The following MAGI1 variants were observed in gnomAD, a reference collection of about 807,000 sequenced individuals.
The protein encoded by MAGI1 is membrane associated guanylate kinase, WW and PDZ domain containing 1.
In MAGI1, 58 loss-of-function variants were observed where a neutral mutation model predicts 139.9. The ratio of observed to expected loss-of-function variants is 0.41; its 90% CI spans 0.34 to 0.52. The LOEUF (loss-of-function observed/expected upper bound fraction) is 0.52. Ranked by LOEUF, MAGI1 falls within the 20% of genes least tolerant of loss-of-function variation. The pLI, the probability that MAGI1 is intolerant of heterozygous loss-of-function variation, is 0.12. For synonymous variants in MAGI1, 812 were observed against 737.9 expected (o/e 1.10, Z -1.63); for missense variants, 1,874 against 1,901.6 (o/e 0.99, Z 0.27).
At chr3:65,642,352 T>C (rs754676130) in intron 1 of MAGI1, among the ~76,000 whole-genome samples, 1 of 152,214 alleles carries the variant, frequency 6.6e-6, no homozygotes, top group Non-Finnish European at 1.5e-5. Flanking sequence ...GAGACATTAT[T>C]CTGCCACTGG....
intron 2 of MAGI1, among the ~76,000 whole-genome samples, chr3:65,554,802 T>G (rs1230624939): frequency 6.6e-6 from 1 of 152,162 alleles, no homozygotes; most frequent in Admixed American, 6.5e-5. Flanking sequence ...GAACATTTCT[T>G]CAAAAGTGTC....
intron 1 of MAGI1, among the ~76,000 whole-genome samples, chr3:65,630,869 AAGAG>A (rs1260421656): frequency 1.3e-5 from 2 of 152,174 alleles, no homozygotes; most frequent in Non-Finnish European, 2.9e-5. Context: ...AATTTTTAAA[AAGAG>A]AGAGAGAGAA....
At chr3:65,526,494 A>G (rs1258947110) in intron 2 of MAGI1, among the ~76,000 whole-genome samples, 1 of 152,220 alleles carries the variant, frequency 6.6e-6, no homozygotes. Context: ...AAATTAGTTT[A>G]TATGTGCTAC....
chr3:65,527,575 A>C (rs7639560), intron 2 of MAGI1, among the ~76,000 whole-genome samples: 40,088 of 151,684 alleles, frequency 0.26, 5,707 homozygotes, highest in African/African-American at 0.34. Flanking sequence ...AATACAAAAC[A>C]TTAACTAGGT....
chr3:65,832,735 G>A (rs563754334), intron 1 of MAGI1, among the ~76,000 whole-genome samples: 9 of 152,194 alleles, frequency 5.9e-5, no homozygotes, highest in African/African-American at 2.2e-4. Flanking sequence ...GATATTTAAT[G>A]TTTACTGAAA....
chr3:65,413,588 T>C (rs946357461), intron 12 of MAGI1, among the ~76,000 whole-genome samples: 2 of 152,186 alleles, frequency 1.3e-5, no homozygotes, highest in Admixed American at 6.5e-5. Flanking sequence ...TTATGTGACT[T>C]AGAGGGAAAA....
intron 1 of MAGI1, among the ~76,000 whole-genome samples, chr3:65,977,040 A>G (rs2065299638): frequency 6.6e-6 from 1 of 152,178 alleles, no homozygotes; most frequent in African/African-American, 2.4e-5. Flanking sequence ...TCAAATCCCA[A>G]TTCCAGGAAA....
intron 5 of MAGI1, among the ~76,000 whole-genome samples, chr3:65,464,875 A>C (rs1000485953): frequency 6.6e-6 from 1 of 151,314 alleles, no homozygotes; most frequent in African/African-American, 2.4e-5. Context: ...GGTTACATGA[A>C]TATTTTAGAA....
intron 1 of MAGI1, among the ~76,000 whole-genome samples, chr3:65,915,150 CACTT>C (rs138850109): frequency 3.9e-4 from 59 of 152,298 alleles, no homozygotes; most frequent in African/African-American, 1.3e-3. Flanking sequence ...TGACCAGTCT[CACTT>C]AGCCTCTTGC....
At chr3:65,514,770 A>T (rs1041546887) in intron 2 of MAGI1, among the ~76,000 whole-genome samples, 1 of 70,292 alleles carries the variant, frequency 1.4e-5, no homozygotes, top group Admixed American at 1.7e-4. Flanking sequence ...AGGGATCTAG[A>T]ATTAGAAATA....
intron 1 of MAGI1, among the ~76,000 whole-genome samples, chr3:66,027,737 G>A (rs1014957054): frequency 6.6e-6 from 1 of 152,150 alleles, no homozygotes; most frequent in African/African-American, 2.4e-5. Flanking sequence ...ATCAAGCATG[G>A]AGTCATGCCT....
At chr3:65,755,007 G>A (rs1208556861) in intron 1 of MAGI1, among the ~76,000 whole-genome samples, 1 of 151,212 alleles carries the variant, frequency 6.6e-6, no homozygotes, top group African/African-American at 2.4e-5. Context: ...AGGCTGGAGT[G>A]CAGTGGTGTG....
intron 1 of MAGI1, among the ~76,000 whole-genome samples, chr3:65,723,178 G>A (rs2033236583): frequency 6.6e-6 from 1 of 152,160 alleles, no homozygotes; most frequent in African/African-American, 2.4e-5. Flanking sequence ...GAACTAAGAA[G>A]AGACACAGTT....
At chr3:65,538,804 G>C (rs1287823989) in intron 2 of MAGI1, among the ~76,000 whole-genome samples, 1 of 152,068 alleles carries the variant, frequency 6.6e-6, no homozygotes, top group African/African-American at 2.4e-5. Flanking sequence ...TATTAACTAA[G>C]ACAAACATAC....
At chr3:65,537,817 G>A (rs543897702) in intron 2 of MAGI1, among the ~76,000 whole-genome samples, 2 of 152,166 alleles carry the variant, frequency 1.3e-5, no homozygotes, top group South Asian at 2.1e-4. Flanking sequence ...AGATTATGAA[G>A]ATAATTATCT....
intron 22 of MAGI1, chr3:65,359,958 G>C: frequency 1.0e-6 from 1 of 985,366 alleles, no homozygotes; most frequent in Non-Finnish European, 1.2e-6. Flanking sequence ...ATGGTCAGAA[G>C]TTCAGTACAG....
At chr3:65,816,341 C>T (rs887942917) in intron 1 of MAGI1, among the ~76,000 whole-genome samples, 8 of 151,940 alleles carry the variant, frequency 5.3e-5, no homozygotes, top group East Asian at 1.9e-4. Context: ...CCAATGTGGT[C>T]GCCAATGGCA....
rs137884642 is a variant in MAGI1 at position 65,472,989 on chromosome 3, G to A, written c.758-2505C>T. Among the ~76,000 whole-genome samples, 850 of 152,274 alleles carry A rather than the reference G, an allele frequency of 5.6e-3. 7 individuals carry two copies. The highest frequency in any genetic ancestry group is 0.017 in the African/African-American group (715 of 41,544). ...TCCTGGCTTTACCATTTACTGATGT[G>A]GGCAAAGTACTTAACCTTGTGTGCC... On this transcript the variant is annotated intron_variant, in intron 4 of 22. Transcript: ENST00000402939.
intron 1 of MAGI1, among the ~76,000 whole-genome samples, chr3:65,864,934 C>T (rs1429787120): frequency 1.3e-5 from 2 of 152,142 alleles, no homozygotes; most frequent in Admixed American, 1.3e-4. Context: ...TGATAAGACA[C>T]TAAGCAGCAC....
Sources: allele counts gnomAD v4.1 joint callset (sites outside exome capture counted in the v4.1 genomes callset), GRCh38; gene constraint gnomAD v4.1.1; transcripts MANE v1.5; gene names NCBI Gene and HGNC (gene_info 2026-07-23, HGNC 2026-07-21).